The following RAD54B variants were observed in gnomAD, a reference collection of about 807,000 sequenced individuals.
RAD54B encodes DNA repair and recombination protein RAD54B.
RAD54B carries 78 observed loss-of-function variants against 95.8 expected under a neutral mutation model. The ratio of observed to expected loss-of-function variants is 0.81; its 90% CI spans 0.68 to 0.98. The LOEUF (loss-of-function observed/expected upper bound fraction) is 0.98. RAD54B is among the 50% of genes least tolerant of loss of function. RAD54B has a pLI of 0.00. For synonymous variants in RAD54B, 328 were observed against 354.9 expected, an observed-to-expected ratio of 0.92 and a Z score of 0.85; for missense variants, 957 against 1,056.6, an observed-to-expected ratio of 0.91 and a Z score of 1.31.
At chr8:94,468,480 C>T (rs1345352194) in intron 1 of RAD54B, among the ~76,000 whole-genome samples, 1 of 150,770 alleles carries the variant, frequency 6.6e-6, no homozygotes, top group African/African-American at 2.4e-5. Flanking sequence ...AGGATGAGGC[C>T]GGAGGATCCC....
chr8:94,432,478 C>T, intron 3 of RAD54B: 1 of 1,550,456 alleles, frequency 6.4e-7, no homozygotes, highest in Non-Finnish European at 8.7e-7. Flanking sequence ...ATAACATGTA[C>T]TAATTCATGT....
intron 11 of RAD54B, among the ~76,000 whole-genome samples, chr8:94,382,739 G>C (rs560090468): frequency 2.2e-3 from 331 of 152,168 alleles, no homozygotes; most frequent in African/African-American, 7.3e-3. Flanking sequence ...TGCTGTTCTC[G>C]TGATAGGGAG....
At chr8:94,375,833 T>C (rs1052214758) in intron 14 of RAD54B, among the ~76,000 whole-genome samples, 3 of 152,110 alleles carry the variant, frequency 2.0e-5, no homozygotes, top group African/African-American at 4.8e-5. Flanking sequence ...TGCATACATA[T>C]ATATCTGGAA....
chr8:94,433,101 G>T (rs3136421), intron 3 of RAD54B, among the ~76,000 whole-genome samples: 5,037 of 152,108 alleles, frequency 0.033, 105 homozygotes, highest in Non-Finnish European at 0.049. Context: ...TTAAAACCAT[G>T]AAGGCCCATA....
intron 14 of RAD54B, 124 bp downstream of exon 14, chr8:94,378,056 G>A (rs1447549657): frequency 9.5e-6 from 6 of 629,154 alleles, no homozygotes; most frequent in Non-Finnish European, 1.2e-5. Flanking sequence ...TATGAGCTGA[G>A]AAAAAAATAA....
At chr8:94,410,799 G>A (rs908171707) in intron 4 of RAD54B, among the ~76,000 whole-genome samples, 1 of 152,110 alleles carries the variant, frequency 6.6e-6, no homozygotes, top group African/African-American at 2.4e-5. Flanking sequence ...TAAAAAGAGA[G>A]AGAGAGAAAG....
chr8:94,432,740 C>A, intron 3 of RAD54B: 4 of 1,351,952 alleles, frequency 3.0e-6, no homozygotes, highest in Non-Finnish European at 2.9e-6. Context: ...ATTTAATGTA[C>A]ATTAAATGAT....
chr8:94,432,031 C>T (rs1334834336), intron 3 of RAD54B: 3 of 1,391,444 alleles, frequency 2.2e-6, no homozygotes, highest in Non-Finnish European at 2.8e-6. Flanking sequence ...TAGAGATTAA[C>T]AACATTTTTC....
At chr8:94,401,742 GA>G (rs146663069) in intron 6 of RAD54B, among the ~76,000 whole-genome samples, 2,166 of 152,138 alleles carry the variant, frequency 0.014, 46 homozygotes, top group African/African-American at 0.049. Flanking sequence ...AAGGTATAGA[GA>G]AAAAAATTAC....
At chr8:94,470,278 T>C (rs910399892) in intron 1 of RAD54B, among the ~76,000 whole-genome samples, 2 of 151,370 alleles carry the variant, frequency 1.3e-5, no homozygotes, top group South Asian at 2.1e-4. Flanking sequence ...CAGGCTAACA[T>C]GGTGAAACCC....
chr8:94,428,719 TA>T, intron 3 of RAD54B: 1 of 975,104 alleles, frequency 1.0e-6, no homozygotes, highest in Non-Finnish European at 1.2e-6. Flanking sequence ...AACCTGCAGA[TA>T]GAAAGCCAAG....
chr8:94,457,904 T>G (rs7833858), intron 3 of RAD54B, among the ~76,000 whole-genome samples: 321 of 152,304 alleles, frequency 2.1e-3, no homozygotes, highest in African/African-American at 7.1e-3. Context: ...CTCTAATGAA[T>G]TAACAAGTAA....
Position 94,458,381 on chromosome 8 carries a change from C to G in RAD54B, c.191G>C (p.Ser64Thr). 6.2e-7 allele frequency: 1 copy of G among 1,604,966 alleles called. No homozygotes were observed. Among genetic ancestry groups the G allele is most frequent in the Admixed American group, 1.7e-5 (1 of 58,492 alleles). ...ACTTTCTTCACTAGGCAGATTTAAA[C>G]TGCATATTCTAAGATCATTTTGTGA... The part of the protein sequence containing the change: ...LPSQNDLRIC[S>T]LNLPSEESTR... Residue 64 changes from serine to threonine, a missense_variant, in exon 3 of 15, where the codon AGT (serine) becomes ACT (threonine). By Grantham distance (58) the Ser-to-Thr change is moderately conservative (BLOSUM62 1). Coordinates refer to ENST00000336148, the MANE Select transcript of RAD54B (RefSeq NM_012415.3).
intron 3 of RAD54B, chr8:94,429,354 G>T: frequency 1.7e-6 from 1 of 599,908 alleles, no homozygotes; most frequent in Non-Finnish European, 2.1e-6. Flanking sequence ...AATTATTTTA[G>T]AACCTAACCA....
At chr8:94,393,972 A>C in intron 8 of RAD54B, 90 bp from the exon 9 acceptor site, 1 of 1,206,918 alleles carries the variant, frequency 8.3e-7, no homozygotes, top group Non-Finnish European at 1.2e-6. Flanking sequence ...GGAAGTTTGG[A>C]GAAATTTATT....
At chr8:94,409,721 C>A (rs575970749) in intron 4 of RAD54B, among the ~76,000 whole-genome samples, 8 of 152,012 alleles carry the variant, frequency 5.3e-5, no homozygotes, top group Non-Finnish European at 1.2e-4. Context: ...CTGTTTTAAG[C>A]CTAATTTTCA....
At chr8:94,443,012 G>T (rs531212312) in intron 3 of RAD54B, among the ~76,000 whole-genome samples, 45 of 152,218 alleles carry the variant, frequency 3.0e-4, no homozygotes, top group African/African-American at 1.0e-3. Flanking sequence ...CCTAAAACCA[G>T]CACATGCCAA....
intron 11 of RAD54B, among the ~76,000 whole-genome samples, chr8:94,382,518 G>C (rs1206177527): frequency 6.6e-6 from 1 of 152,108 alleles, no homozygotes; most frequent in Non-Finnish European, 1.5e-5. Context: ...TCTTTCTTAG[G>C]AAACTACTGT....
intron 14 of RAD54B, among the ~76,000 whole-genome samples, chr8:94,376,797 CAAAT>C (rs1393569142): frequency 1.2e-4 from 18 of 149,000 alleles, no homozygotes; most frequent in Non-Finnish European, 2.4e-4. Flanking sequence ...ATTTATATGA[CAAAT>C]AACTAATAAA....
Sources: allele counts gnomAD v4.1 joint callset (sites outside exome capture counted in the v4.1 genomes callset), GRCh38; gene constraint gnomAD v4.1.1; transcripts MANE v1.5; gene names NCBI Gene and HGNC (gene_info 2026-07-23, HGNC 2026-07-21).